The following ZNRF3 variants were observed in gnomAD, a reference collection of about 807,000 sequenced individuals.
The protein encoded by ZNRF3 is zinc and ring finger 3, also known as E3 ubiquitin-protein ligase ZNRF3.
A neutral mutation model predicts 72.5 loss-of-function variants in ZNRF3; 23 were observed. The ratio of observed to expected loss-of-function variants is 0.32; its 90% CI spans 0.23 to 0.45. The LOEUF (loss-of-function observed/expected upper bound fraction) is 0.45, where lower values mean the gene tolerates loss of function less well. Ranked by LOEUF, ZNRF3 falls within the 20% of genes least tolerant of loss-of-function variation. ZNRF3 has a pLI of 1.00. For missense variants in ZNRF3, 1,169 were observed against 1,272.1 expected, an observed-to-expected ratio of 0.92 and a Z score of 1.23; for synonymous variants, 610 against 545.3, an observed-to-expected ratio of 1.12 and a Z score of -1.65.
In ZNRF3 at chr22:29,050,160, C is replaced by T. The variant is rs1308860922; in HGVS notation, c.1979C>T (p.Thr660Ile). The change falls in exon 8 of 9, where the codon ACC (threonine) becomes ATC (isoleucine). Residue 660 changes from threonine (T) to isoleucine (I), a missense_variant. Coordinates refer to ENST00000544604, the MANE Select transcript of ZNRF3 (RefSeq NM_001206998.2). ...TCTCCCTCGGGGGATCAGGTGTCCA[C>T]CTGCAGCCTGGAGATGAACTACAGC... The part of the protein sequence containing the change: ...PASPSGDQVS[T>I]CSLEMNYSSN... The T allele has an allele frequency of 6.2e-7, 1 of 1,603,804 alleles. No homozygotes were observed. Among genetic ancestry groups the T allele is most frequent in the Non-Finnish European group, 8.5e-7 (1 of 1,179,864 alleles).
At chr22:28,928,138 T>C (rs1414172848) in intron 1 of ZNRF3, among the ~76,000 whole-genome samples, 1 of 152,254 alleles carries the variant, frequency 6.6e-6, no homozygotes, top group Non-Finnish European at 1.5e-5. Flanking sequence ...TTTTGGTCTG[T>C]ATTTAATTTT....
At chr22:28,899,302 T>C (rs927256211) in intron 1 of ZNRF3, among the ~76,000 whole-genome samples, 1 of 152,236 alleles carries the variant, frequency 6.6e-6, no homozygotes, top group Non-Finnish European at 1.5e-5. Context: ...GTCTCAACAT[T>C]GCATCACTGT....
intron 1 of ZNRF3, among the ~76,000 whole-genome samples, chr22:28,944,350 C>CAA: frequency 6.6e-6 from 1 of 152,272 alleles, no homozygotes; most frequent in South Asian, 2.1e-4. Flanking sequence ...TGGCTGAGTG[C>CAA]AGTGGCTCAC....
intron 2 of ZNRF3, chr22:29,031,579 G>A (rs1247344265): frequency 7.1e-6 from 7 of 985,610 alleles, no homozygotes; most frequent in Admixed American, 1.2e-4. Context: ...CTGGTGCCTG[G>A]GTGGTCACTA....
chr22:28,995,205 G>T (rs1268074148), intron 2 of ZNRF3, among the ~76,000 whole-genome samples: 1 of 152,030 alleles, frequency 6.6e-6, no homozygotes, highest in Non-Finnish European at 1.5e-5. Context: ...AGGCTGAGGC[G>T]GGTGGATCAC....
intron 2 of ZNRF3, among the ~76,000 whole-genome samples, chr22:29,001,304 T>A (rs1160325806): frequency 6.6e-6 from 1 of 151,736 alleles, no homozygotes; most frequent in African/African-American, 2.4e-5. Context: ...CCTATTTTTT[T>A]AATTGGCGAA....
chr22:28,998,037 C>T (rs1039853446), intron 2 of ZNRF3, among the ~76,000 whole-genome samples: 36 of 150,104 alleles, frequency 2.4e-4, no homozygotes, highest in Non-Finnish European at 2.8e-4. Context: ...CGGTGGCTCA[C>T]GCCTGTAATC....
intron 1 of ZNRF3, among the ~76,000 whole-genome samples, chr22:28,972,020 C>T (rs2123814286): frequency 6.6e-6 from 1 of 152,292 alleles, no homozygotes; most frequent in South Asian, 2.1e-4. Context: ...TTCTTTTCAT[C>T]ACATGACTCC....
At chr22:29,029,410 G>C (rs755631681) in intron 2 of ZNRF3, among the ~76,000 whole-genome samples, 3 of 152,110 alleles carry the variant, frequency 2.0e-5, no homozygotes, top group Non-Finnish European at 2.9e-5. Flanking sequence ...ACCTGATTCA[G>C]CAATTTTCTA....
chr22:28,889,249 C>T (rs2033844968), intron 1 of ZNRF3, among the ~76,000 whole-genome samples: 1 of 152,188 alleles, frequency 6.6e-6, no homozygotes, highest in Non-Finnish European at 1.5e-5. Context: ...GGTTCTTAAC[C>T]TGAGGGTCAC....
chr22:28,947,447 T>C (rs1214254384), intron 1 of ZNRF3, among the ~76,000 whole-genome samples: 1 of 152,224 alleles, frequency 6.6e-6, no homozygotes, highest in Admixed American at 6.5e-5. Context: ...TTCCAACATA[T>C]CTATACCATT....
rs2036343978 is a variant in ZNRF3, at chr22:29,011,363, C to A, written c.426+24162C>A. 2.6e-5 allele frequency among the ~76,000 whole-genome samples: 4 copies of A among 152,306 alleles called. No individual in the cohort carries two copies. In the South Asian group the frequency reaches 8.3e-4, roughly 32 times the overall value. On this transcript the variant is annotated intron_variant, in intron 2 of 8. Transcript: ENST00000544604. ...ACAAATGGGGTGCTCCTGTCCGTCTCCGTGGCCAGCTGCCACCAGCCCTAT... is the reference window on the plus strand; with the variant it reads ...ACAAATGGGGTGCTCCTGTCCGTCTACGTGGCCAGCTGCCACCAGCCCTAT...
chr22:29,043,842 C>T (rs2037013188), intron 4 of ZNRF3, among the ~76,000 whole-genome samples: 1 of 152,228 alleles, frequency 6.6e-6, no homozygotes, highest in South Asian at 2.1e-4. Context: ...GTATTTCCTT[C>T]TTCCTGTAGA....
chr22:28,955,258 G>A (rs1424012783), intron 1 of ZNRF3, among the ~76,000 whole-genome samples: 3 of 151,970 alleles, frequency 2.0e-5, no homozygotes, highest in Non-Finnish European at 4.4e-5. Flanking sequence ...GCCCAGGCTG[G>A]CCTTGAACTC....
At position 29,049,239 on chromosome 22, in the gene ZNRF3, A is replaced by G. The variant is rs763107950; in HGVS notation, c.1058A>G (p.Asn353Ser). The change falls in exon 8 of 9, where the codon AAC becomes AGC. Residue 353 changes from asparagine to serine, a missense_variant. Coordinates refer to ENST00000544604, the MANE Select transcript of ZNRF3 (RefSeq NM_001206998.2). The surrounding 1 kb of genome is among the most constrained non-coding windows in gnomAD (Gnocchi z 5.2). The stretch of plus-strand genomic sequence containing the variant: ...AGCGCGGTGTGTGTGGAGACCAGCA[A>G]CCTCTCACGTGGTCGGCAGCAGAGG... ...NPSAVCVETS[N>S]LSRGRQQRVT... 1.2e-6 allele frequency: 2 copies of G among 1,611,934 alleles called. No homozygotes were observed. The highest frequency in any genetic ancestry group is 2.7e-5 in the African/African-American group (2 of 74,796).
chr22:29,032,444 C>A (rs1601691001), intron 2 of ZNRF3, among the ~76,000 whole-genome samples: 1 of 152,130 alleles, frequency 6.6e-6, no homozygotes, highest in Admixed American at 6.5e-5. Flanking sequence ...TCAAGGTTGG[C>A]CGGAGGAGAC....
rs957847969 is a variant in ZNRF3 at position 28,883,650 on chromosome 22, AGCCGCC to A, written c.-103_-98del. Reference sequence around the variant, plus strand: ...GCCGAGCTGAGCCTGCGACCCACAAAGCCGCCGCCGCCGCCGCCGTGATGGGGCTGT... The same window carrying A: ...GCCGAGCTGAGCCTGCGACCCACAAAGCCGCCGCCGCCGTGATGGGGCTGT... On this transcript the variant is annotated 5_prime_UTR_variant, in exon 1 of 9. Coordinates refer to ENST00000544604, the MANE Select transcript of ZNRF3 (RefSeq NM_001206998.2). The surrounding 1 kb of genome is among the most constrained non-coding windows in gnomAD (Gnocchi z 5.5). 8.4e-6 allele frequency: 8 copies of A among 954,604 alleles called. No homozygotes were observed. The highest frequency in any genetic ancestry group is 4.7e-5 in the South Asian group (1 of 21,414). 59.1% of individuals were successfully genotyped at this position (954,604 alleles called of 1,614,324 possible). A position where few individuals can be genotyped will look rare whatever the true frequency, so the allele number is the denominator to read the frequency against.
intron 1 of ZNRF3, among the ~76,000 whole-genome samples, chr22:28,942,089 T>C (rs1283603240): frequency 1.3e-5 from 2 of 152,228 alleles, no homozygotes; most frequent in Non-Finnish European, 2.9e-5. Context: ...ATGTGGTTCT[T>C]TGATGCAGTT....
intron 3 of ZNRF3, among the ~76,000 whole-genome samples, chr22:29,043,052 C>T (rs1028578425): frequency 4.0e-5 from 6 of 151,626 alleles, no homozygotes; most frequent in Admixed American, 1.3e-4. Flanking sequence ...GGATTATAGG[C>T]GTGAGCCACT....
Sources: allele counts gnomAD v4.1 joint callset (sites outside exome capture counted in the v4.1 genomes callset), GRCh38; gene constraint gnomAD v4.1.1; non-coding constraint Gnocchi (gnomAD v3.1); transcripts MANE v1.5; gene names NCBI Gene and HGNC (gene_info 2026-07-23, HGNC 2026-07-21).